Variants in CGGBP1 observed in about 807,000 individuals in gnomAD.
CGGBP1 encodes CGG triplet repeat-binding protein 1.
CGGBP1 carries 4 observed loss-of-function variants against 11.4 expected under a neutral mutation model. The ratio of observed to expected loss-of-function variants is 0.35; its 90% confidence interval spans 0.17 to 0.80. CGGBP1 has a LOEUF of 0.80. CGGBP1 is among the 30% of genes least tolerant of loss of function. The probability of loss-of-function intolerance (pLI) is 0.52; values close to 1 mark genes in which losing one functional copy is unlikely to be tolerated. For missense variants in CGGBP1, 135 were observed against 202.1 expected, an observed-to-expected ratio of 0.67 and a Z score of 2.01; for synonymous variants, 76 against 74.1, an observed-to-expected ratio of 1.03 and a Z score of -0.13.
chr3:88,141,074 G>A, exon 2 of CGGBP1: 3 of 1,543,410 alleles, frequency 1.9e-6, no homozygotes. Flanking sequence ...TCTTAGTAGA[G>A]GTATCTGTAG....
upstream of CGGBP1, chr3:88,059,508 G>T: frequency 6.8e-7 from 1 of 1,472,460 alleles, no homozygotes; most frequent in Non-Finnish European, 8.9e-7. Flanking sequence ...TCTGTCAGGT[G>T]AGGCGTCCGT....
chr3:88,116,512 G>T (rs1322592096), intron 2 of CGGBP1, among the ~76,000 whole-genome samples: 1 of 150,736 alleles, frequency 6.6e-6, no homozygotes, highest in Non-Finnish European at 1.5e-5. Flanking sequence ...CAACAAGAGC[G>T]AAACTCTGTC....
At chr3:88,084,563 A>G (rs1277464577) in intron 2 of CGGBP1, among the ~76,000 whole-genome samples, 2 of 152,162 alleles carry the variant, frequency 1.3e-5, no homozygotes, top group Non-Finnish European at 2.9e-5. Context: ...TTCAGAGACA[A>G]TCTCCTTTAG....
intron 2 of CGGBP1, among the ~76,000 whole-genome samples, chr3:88,076,616 C>G (rs1440756771): frequency 6.6e-6 from 1 of 152,008 alleles, no homozygotes; most frequent in Non-Finnish European, 1.5e-5. Flanking sequence ...TTCTTGAAAC[C>G]GAGCATACCT....
chr3:88,140,407 C>G, intron 2 of CGGBP1: 1 of 1,613,106 alleles, frequency 6.2e-7, no homozygotes, highest in Non-Finnish European at 8.5e-7. Flanking sequence ...CTGCCAGTTT[C>G]TACTAGCAAA....
At chr3:88,144,544 T>C in intron 1 of CGGBP1, 1 of 152,402 alleles carries the variant, frequency 6.6e-6, no homozygotes, top group East Asian at 1.9e-4. Context: ...TTGCATTTTA[T>C]AAGAGTACAA....
chr3:88,140,191 T>TC (rs1707034331), intron 2 of CGGBP1: 32 of 1,613,554 alleles, frequency 2.0e-5, no homozygotes, highest in Non-Finnish European at 2.7e-5. Flanking sequence ...AGTCACAGGA[T>TC]ATTTCAGGCT....
chr3:88,072,669 C>T (rs1707582290), intron 2 of CGGBP1, among the ~76,000 whole-genome samples: 1 of 152,094 alleles, frequency 6.6e-6, no homozygotes, highest in Non-Finnish European at 1.5e-5. Context: ...TATTCTTTTT[C>T]CCCCTTACCT....
chr3:88,131,313 C>T (rs1445560686), intron 2 of CGGBP1, among the ~76,000 whole-genome samples: 2 of 152,022 alleles, frequency 1.3e-5, no homozygotes, highest in African/African-American at 2.4e-5. Flanking sequence ...TGTTACACTG[C>T]GTATAACTGT....
Position 88,067,599 on chromosome 3 carries a change from GA to G in CGGBP1, c.-228-9377del, listed in dbSNP as rs557459545. ...ATTAAAGAGGTTTCAGAAACCCAGAGAACTGTGGTGTCACAAAAGGCAAGGA... is the reference window on the plus strand; with the variant it reads ...ATTAAAGAGGTTTCAGAAACCCAGAGACTGTGGTGTCACAAAAGGCAAGGA... On this transcript the variant is annotated intron_variant, in intron 2 of 3. Coordinates refer to the CGGBP1 transcript ENST00000462901. 2.2e-4 allele frequency among the ~76,000 whole-genome samples: 34 copies of G among 152,330 alleles called. No individual in the cohort carries two copies. The East Asian group carries it at 6.5e-3, about 29-fold the overall frequency.
intron 2 of CGGBP1, among the ~76,000 whole-genome samples, chr3:88,117,232 ATTAC>A (rs1445299847): frequency 6.6e-6 from 1 of 152,200 alleles, no homozygotes; most frequent in Admixed American, 6.5e-5. Context: ...TCAACTCATA[ATTAC>A]TTACAGACAT....
chr3:88,130,569 GCCT>G (rs2107841108), intron 2 of CGGBP1, among the ~76,000 whole-genome samples: 1 of 151,206 alleles, frequency 6.6e-6, no homozygotes, highest in South Asian at 2.1e-4. Flanking sequence ...TCCCGCCTCA[GCCT>G]CCTCAGTAGC....
intron 2 of CGGBP1, among the ~76,000 whole-genome samples, chr3:88,098,019 C>G (rs1157198420): frequency 1.3e-5 from 2 of 152,148 alleles, no homozygotes; most frequent in African/African-American, 4.8e-5. Flanking sequence ...ATAAAAAACC[C>G]TTCAAAAACA....
At chr3:88,129,712 G>C (rs1411143689) in intron 2 of CGGBP1, 1 of 1,507,904 alleles carries the variant, frequency 6.6e-7, no homozygotes, top group Admixed American at 2.0e-5. Context: ...GATTGTAAGA[G>C]TGGAATTGAT....
chr3:88,105,033 G>A (rs974265469), intron 2 of CGGBP1, among the ~76,000 whole-genome samples: 2 of 152,110 alleles, frequency 1.3e-5, no homozygotes, highest in African/African-American at 2.4e-5. Context: ...CCAGCTACTC[G>A]GGAGACTGAG....
At chr3:88,059,268 A>C, upstream of CGGBP1, 1 of 1,531,674 alleles carries the variant, frequency 6.5e-7, no homozygotes, top group South Asian at 1.2e-5. Flanking sequence ...CTAGGCATCT[A>C]CGGCGGCGGC....
intron 2 of CGGBP1, among the ~76,000 whole-genome samples, chr3:88,069,382 G>A (rs181045799): frequency 6.6e-6 from 1 of 152,050 alleles, no homozygotes; most frequent in Non-Finnish European, 1.5e-5. Flanking sequence ...AGATGGCGCC[G>A]CTGCACTTCA....
intron 1 of CGGBP1, chr3:88,143,099 G>A (rs1216680114): frequency 6.6e-6 from 1 of 152,248 alleles, no homozygotes; most frequent in Non-Finnish European, 1.5e-5. Context: ...CTTTGTTCAA[G>A]GCAGATAATC....
At chr3:88,075,198 C>T (rs1707732682) in intron 2 of CGGBP1, among the ~76,000 whole-genome samples, 1 of 152,194 alleles carries the variant, frequency 6.6e-6, no homozygotes, top group Admixed American at 6.5e-5. Flanking sequence ...AGTGTGGAAT[C>T]TGTTGAGTGG....
Sources: allele counts gnomAD v4.1 joint callset (sites outside exome capture counted in the v4.1 genomes callset), GRCh38; gene constraint gnomAD v4.1.1; transcripts MANE v1.5; gene names NCBI Gene and HGNC (gene_info 2026-07-23, HGNC 2026-07-21).